The following CUL3 variants were observed in gnomAD, a reference collection of about 807,000 sequenced individuals.
CUL3 encodes cullin 3, also known as cullin-3.
Under a neutral mutation model 89.1 loss-of-function variants are expected in CUL3, and 19 were observed. That is an observed-to-expected ratio of 0.21 (90% CI 0.15 to 0.31). The LOEUF (loss-of-function observed/expected upper bound fraction) is 0.31. Among genes scored for constraint, CUL3 ranks in the 10% least tolerant of loss-of-function variants. The pLI, the probability that CUL3 is intolerant of heterozygous loss-of-function variation, is 1.00. For missense variants in CUL3, 469 were observed against 942.3 expected, an observed-to-expected ratio of 0.50 and a Z score of 6.58; for synonymous variants, 351 against 308.4, an observed-to-expected ratio of 1.14 and a Z score of -1.45.
rs558140198 is a variant in CUL3 at position 224,562,380 on chromosome 2, G to A, written c.67-4524C>T. On this transcript the variant is annotated intron_variant, in intron 1 of 15. Coordinates refer to ENST00000264414, the MANE Select transcript of CUL3 (RefSeq NM_003590.5). Reference sequence around the variant, plus strand: ...GAGCCAGGCACAGTGGCTCCCGCCTGTAATCCCACCACTTTGGGAAGCCAA... The same window carrying A: ...GAGCCAGGCACAGTGGCTCCCGCCTATAATCCCACCACTTTGGGAAGCCAA... Among the ~76,000 whole-genome samples the A allele has an allele frequency of 2.4e-4, 36 of 152,246 alleles. 1 individual carries two copies. In the South Asian group the frequency reaches 6.8e-3, roughly 29 times the overall value.
At chr2:224,564,025 C>T (rs1283392438) in intron 1 of CUL3, among the ~76,000 whole-genome samples, 1 of 152,178 alleles carries the variant, frequency 6.6e-6, no homozygotes, top group African/African-American at 2.4e-5. Context: ...GTGGCTCACA[C>T]CTGTAATCCC....
intron 1 of CUL3, among the ~76,000 whole-genome samples, chr2:224,560,978 T>C (rs1523922): frequency 0.19 from 28,787 of 152,114 alleles, 3,034 homozygotes; most frequent in South Asian, 0.27. Flanking sequence ...ATTCTTTCTG[T>C]CTGAAATGTT....
intron 1 of CUL3, among the ~76,000 whole-genome samples, chr2:224,579,138 TG>T (rs1261122703): frequency 1.3e-5 from 2 of 152,228 alleles, no homozygotes; most frequent in South Asian, 4.1e-4. Context: ...ATAAATACTT[TG>T]TTAATAACAA....
chr2:224,569,390 CA>C (rs945354817), intron 1 of CUL3, among the ~76,000 whole-genome samples: 1 of 152,006 alleles, frequency 6.6e-6, no homozygotes, highest in African/African-American at 2.4e-5. Flanking sequence ...GAAAAAGAAA[CA>C]AAAGCTTTTT....
At position 224,548,646 on chromosome 2, in the gene CUL3, C is replaced by A. The variant is rs1694394413; in HGVS notation, c.264+9013G>T. Among the ~76,000 whole-genome samples, 4 of 152,036 alleles carry A rather than the reference C, an allele frequency of 2.6e-5. No individual in the cohort carries two copies. The South Asian group carries it at 8.3e-4, about 32-fold the overall frequency. On this transcript the variant is annotated intron_variant, in intron 2 of 15. Transcript: ENST00000264414. ...AATCTAAGAAAACTGCTAAGCATTACAAAATTGAGATAATAAAGCTCTTCC... is the reference window on the plus strand; with the variant it reads ...AATCTAAGAAAACTGCTAAGCATTAAAAAATTGAGATAATAAAGCTCTTCC...
At chr2:224,501,752 G>A (rs1003688876) in intron 10 of CUL3, among the ~76,000 whole-genome samples, 6 of 152,160 alleles carry the variant, frequency 3.9e-5, no homozygotes, top group African/African-American at 1.2e-4. Context: ...ACATTCGCAA[G>A]TTGGTTAGGG....
intron 1 of CUL3, among the ~76,000 whole-genome samples, chr2:224,568,694 A>G (rs1366303345): frequency 6.6e-6 from 1 of 152,200 alleles, no homozygotes; most frequent in Non-Finnish European, 1.5e-5. Context: ...CTGCTTAATC[A>G]TTAATTTTAC....
intron 3 of CUL3, among the ~76,000 whole-genome samples, chr2:224,534,835 T>A (rs1007682606): frequency 6.6e-6 from 1 of 150,616 alleles, no homozygotes. Context: ...AAAAATAAAA[T>A]AAAAATAAAA....
intron 1 of CUL3, among the ~76,000 whole-genome samples, chr2:224,572,151 C>G (rs1323293588): frequency 6.6e-6 from 1 of 152,144 alleles, no homozygotes; most frequent in African/African-American, 2.4e-5. Context: ...GAGCTTTTAA[C>G]CAGAAATCAA....
chr2:224,544,414 CTT>C (rs2106281299), intron 2 of CUL3, among the ~76,000 whole-genome samples: 1 of 152,212 alleles, frequency 6.6e-6, no homozygotes, highest in African/African-American at 2.4e-5. Flanking sequence ...AAAAATAGCA[CTT>C]AATGCCATAA....
chr2:224,584,339 T>C (rs1274331800), intron 1 of CUL3, among the ~76,000 whole-genome samples: 1 of 152,122 alleles, frequency 6.6e-6, no homozygotes, highest in Non-Finnish European at 1.5e-5. Context: ...GTTTGTAAAG[T>C]GCTTAGGAAG....
intron 13 of CUL3, among the ~76,000 whole-genome samples, chr2:224,491,001 T>TA (rs1465642468): frequency 6.6e-6 from 1 of 152,052 alleles, no homozygotes; most frequent in Non-Finnish European, 1.5e-5. Context: ...AATTATAAAT[T>TA]AAAAAAACGT....
chr2:224,491,326 C>T (rs1376590989), intron 13 of CUL3, among the ~76,000 whole-genome samples: 2 of 152,158 alleles, frequency 1.3e-5, no homozygotes, highest in Non-Finnish European at 2.9e-5. Flanking sequence ...CCTGTCTACA[C>T]AGTTCTTGTT....
Position 224,506,873 on chromosome 2 carries a change from A to C in CUL3, c.1014T>G (p.Pro338=), listed in dbSNP as rs1242774246. The C allele has an allele frequency of 6.2e-7, 1 of 1,613,516 alleles. No individual in the cohort carries two copies. Among genetic ancestry groups the C allele is most frequent in the Non-Finnish European group, 8.5e-7 (1 of 1,179,698 alleles). ...GTTTACTTACCTGGATATAGTCAACAGGATTCTTTCCTTCTCCTTCTTCAG... is the reference window on the plus strand; with the variant it reads ...GTTTACTTACCTGGATATAGTCAACCGGATTCTTTCCTTCTCCTTCTTCAG... The part of the protein sequence containing the change: ...LVSEEGEGKN[P]VDYIQGLLDL... The change falls in exon 7 of 16, where the codon CCT becomes CCG. Residue 338 remains proline (P), a synonymous_variant. Transcript: ENST00000264414.
chr2:224,545,533 C>CA (rs1257304876), intron 2 of CUL3, among the ~76,000 whole-genome samples: 1 of 152,104 alleles, frequency 6.6e-6, no homozygotes, highest in Non-Finnish European at 1.5e-5. Flanking sequence ...TTTAAGTGTC[C>CA]AAAATGAAGC....
chr2:224,584,951 G>A lies in CUL3; in HGVS notation c.59C>T (p.Ala20Val), dbSNP rs1695544914. Residue 20 changes from alanine (A) to valine (V), a missense_variant, in exon 1 of 16, where the codon GCC becomes GTC. Physicochemically the swap from Ala to Val is moderately conservative, Grantham distance 64 (BLOSUM62 0). This residue lies in a region of CUL3 where 32 missense variants were observed against 29.7 expected (regional missense o/e 1.08). Transcript: ENST00000264414. The part of the protein sequence containing the change: ...SRKDTKMRIR[A>V]FPMTMDEKYV... ...CGCCGAGGAGAGACTCACCGGAAAG[G>A]CCCGGATCCGCATCTTGGTGTCCTT... is the stretch of plus-strand genomic sequence containing the variant. 2.7e-6 allele frequency: 4 copies of A among 1,496,908 alleles called. No homozygotes were observed. The highest frequency in any genetic ancestry group is 1.2e-5 in the South Asian group (1 of 84,192). 92.7% of individuals were successfully genotyped at this position (1,496,908 alleles called of 1,614,324 possible). A position where few individuals can be genotyped will look rare whatever the true frequency, so the allele number is the denominator to read the frequency against.
Position 224,585,176 on chromosome 2 carries a change from GGGCGGCGGCGGCGGCGGC to G in CUL3, c.-185_-168del. 2 of 261,200 alleles carry G rather than the reference GGGCGGCGGCGGCGGCGGC, an allele frequency of 7.7e-6. No individual in the cohort carries two copies. The highest frequency in any genetic ancestry group is 2.3e-5 in the African/African-American group (1 of 42,666). 16.2% of individuals were successfully genotyped at this position (261,200 alleles called of 1,614,324 possible). A position where few individuals can be genotyped will look rare whatever the true frequency, so the allele number is the denominator to read the frequency against. On this transcript the variant is annotated 5_prime_UTR_variant, in exon 1 of 16. Transcript: ENST00000264414. ...CCCTGGGCAGCCGCGGCGGCGGCGG[GGGCGGCGGCGGCGGCGGC>G]GGCGGCTCGGACTCTGGCGACTCCG...
intron 3 of CUL3, among the ~76,000 whole-genome samples, chr2:224,524,323 T>C (rs749581859): frequency 1.1e-4 from 16 of 152,050 alleles, no homozygotes; most frequent in Non-Finnish European, 1.8e-4. Flanking sequence ...ATGTCAAGGT[T>C]CTGAAGAGGA....
chr2:224,580,268 C>G (rs545782103), intron 1 of CUL3, among the ~76,000 whole-genome samples: 1 of 152,202 alleles, frequency 6.6e-6, no homozygotes, highest in African/African-American at 2.4e-5. Flanking sequence ...AATACAGAAA[C>G]GTCCTTATTG....
Sources: allele counts gnomAD v4.1 joint callset (sites outside exome capture counted in the v4.1 genomes callset), GRCh38; gene constraint gnomAD v4.1.1; regional missense constraint gnomAD v4.1.1; transcripts MANE v1.5; gene names NCBI Gene and HGNC (gene_info 2026-07-23, HGNC 2026-07-21).